The following FARS2 variants were observed in gnomAD, a reference collection of about 807,000 sequenced individuals.
FARS2 encodes the protein phenylalanyl-tRNA synthetase 2, mitochondrial.
A neutral mutation model predicts 46.4 loss-of-function variants in FARS2; 40 were observed. That is an observed-to-expected ratio of 0.86 (90% CI 0.67 to 1.12). FARS2 has a LOEUF of 1.12. Among genes scored for constraint, FARS2 ranks in the 50% most tolerant of loss-of-function variants. The pLI is 0.00. For synonymous variants in FARS2, 234 were observed against 214.9 expected (o/e 1.09, Z -0.78); for missense variants, 513 against 567.9 (o/e 0.90, Z 0.98).
chr6:5,315,444 C>G (rs183478692), intron 1 of FARS2, among the ~76,000 whole-genome samples: 1 of 152,278 alleles, frequency 6.6e-6, no homozygotes, highest in East Asian at 1.9e-4. Context: ...AAATGTAATT[C>G]TAAAGTCATA....
At chr6:5,424,526 G>A (rs1299432734) in intron 3 of FARS2, among the ~76,000 whole-genome samples, 5 of 152,168 alleles carry the variant, frequency 3.3e-5, no homozygotes, top group East Asian at 3.8e-4. Flanking sequence ...TGAAAAAAGC[G>A]TGGTGCCGAA....
chr6:5,771,303 C>T lies in FARS2; in HGVS notation c.1230C>T (p.Thr410=), dbSNP rs142426372. 2.5e-6 allele frequency: 4 copies of T among 1,614,038 alleles called. No individual in the cohort carries two copies. In the African/African-American group the frequency reaches 5.3e-5, roughly 22 times the overall value. ...DKFVHPKTHK[T]SHCYRITYRH... The stretch of plus-strand genomic sequence containing the variant: ...TTCCTCTCTGTAGGACGCACAAGAC[C>T]AGCCACTGCTACCGCATCACGTACC... The change falls in exon 7 of 7, where the codon ACC becomes ACT. Residue 410 remains threonine (T), a synonymous_variant. Transcript: ENST00000274680.
chr6:5,275,480 C>G (rs565112234), intron 1 of FARS2, among the ~76,000 whole-genome samples: 1 of 152,114 alleles, frequency 6.6e-6, no homozygotes, highest in African/African-American at 2.4e-5. Context: ...AATGTGAATT[C>G]TGTGAGGGCT....
At chr6:5,344,118 C>T (rs991115641) in intron 1 of FARS2, among the ~76,000 whole-genome samples, 1 of 152,142 alleles carries the variant, frequency 6.6e-6, no homozygotes, top group Non-Finnish European at 1.5e-5. Context: ...ATGTGGTGAC[C>T]TCAGAGCAAG....
intron 5 of FARS2, among the ~76,000 whole-genome samples, chr6:5,588,545 C>T (rs985891492): frequency 6.6e-6 from 1 of 152,172 alleles, no homozygotes; most frequent in Non-Finnish European, 1.5e-5. Context: ...CCTCTCCCTC[C>T]CCTGCCAGCT....
intron 6 of FARS2, among the ~76,000 whole-genome samples, chr6:5,641,429 T>G (rs1171627796): frequency 1.3e-5 from 2 of 152,326 alleles, no homozygotes; most frequent in East Asian, 3.9e-4. Flanking sequence ...CCCATGTAGC[T>G]GGGATTACAG....
intron 6 of FARS2, among the ~76,000 whole-genome samples, chr6:5,674,892 A>T (rs774709094): frequency 6.1e-4 from 93 of 152,308 alleles, no homozygotes; most frequent in Non-Finnish European, 3.8e-4. Context: ...ATACAAATGA[A>T]ACCATTGAGA....
chr6:5,438,507 CT>C (rs924376798), intron 4 of FARS2, among the ~76,000 whole-genome samples: 14 of 149,846 alleles, frequency 9.3e-5, no homozygotes, highest in South Asian at 2.1e-4. Context: ...TATTTCAGTG[CT>C]TTTTTTTTGT....
chr6:5,561,158 G>A (rs774355369), intron 5 of FARS2, among the ~76,000 whole-genome samples: 2 of 152,030 alleles, frequency 1.3e-5, no homozygotes, highest in African/African-American at 4.8e-5. Context: ...AACAAAAAAA[G>A]TATTGGCATA....
At chr6:5,592,874 G>A (rs969186764) in intron 5 of FARS2, among the ~76,000 whole-genome samples, 1 of 152,192 alleles carries the variant, frequency 6.6e-6, no homozygotes, top group African/African-American at 2.4e-5. Context: ...AGGTACCCAG[G>A]CCTCTTGAAG....
chr6:5,318,387 C>CAAAAAAAAAAAAAAAAAAA (rs753113504), intron 1 of FARS2, among the ~76,000 whole-genome samples: 3 of 77,194 alleles, frequency 3.9e-5, no homozygotes, highest in South Asian at 4.7e-4. Flanking sequence ...AAAAAAAAAC[C>CAAAAAAAAAAAAAAAAAAA]AAAAAAAAAA....
intron 3 of FARS2, among the ~76,000 whole-genome samples, chr6:5,405,147 C>T (rs1006016704): frequency 8.5e-5 from 13 of 152,064 alleles, no homozygotes; most frequent in African/African-American, 2.9e-4. Context: ...GGAGCCAAGT[C>T]TAAACACGAA....
At chr6:5,552,293 G>A (rs566949132) in intron 5 of FARS2, among the ~76,000 whole-genome samples, 12 of 152,274 alleles carry the variant, frequency 7.9e-5, no homozygotes, top group Admixed American at 5.9e-4. Flanking sequence ...GTAATTCTCT[G>A]CAATCTCAGA....
chr6:5,711,006 G>T lies in FARS2; in HGVS notation c.1218-60285G>T, dbSNP rs184371936. Among the ~76,000 whole-genome samples, 436 of 152,356 alleles carry T rather than the reference G, an allele frequency of 2.9e-3. 5 individuals carry two copies. In the South Asian group the frequency reaches 0.036, roughly 13 times the overall value. On this transcript the variant is annotated intron_variant, in intron 6 of 6. Coordinates refer to ENST00000274680, the MANE Select transcript of FARS2 (RefSeq NM_006567.5). ...CAAGTCTACAAGTCTTCTTGGAGAA[G>T]TGATTGATTCTAGGACTGGGCCAGG...
At chr6:5,612,938 A>G (rs1199077219) in intron 5 of FARS2, among the ~76,000 whole-genome samples, 2 of 152,202 alleles carry the variant, frequency 1.3e-5, no homozygotes, top group Non-Finnish European at 2.9e-5. Flanking sequence ...TAAATATAAT[A>G]TATGGTAATG....
At chr6:5,446,664 C>A (rs185991629) in intron 4 of FARS2, among the ~76,000 whole-genome samples, 44 of 152,242 alleles carry the variant, frequency 2.9e-4, no homozygotes, top group Admixed American at 2.7e-3. Flanking sequence ...CTTGAGCTGA[C>A]AGATGAAGTC....
At chr6:5,260,530 C>T, upstream of FARS2, 2 of 1,382,012 alleles carry the variant, frequency 1.4e-6, no homozygotes, top group South Asian at 1.3e-5. Context: ...GTCCTTGCCT[C>T]GCAGCCGCCG....
intron 1 of FARS2, among the ~76,000 whole-genome samples, chr6:5,338,564 C>G (rs1429534085): frequency 2.0e-5 from 3 of 151,980 alleles, no homozygotes; most frequent in Non-Finnish European, 4.4e-5. Flanking sequence ...AAAATGCTCT[C>G]CCTTTTCCCC....
chr6:5,492,070 A>G (rs1241894141), intron 4 of FARS2, among the ~76,000 whole-genome samples: 1 of 152,192 alleles, frequency 6.6e-6, no homozygotes, highest in African/African-American at 2.4e-5. Flanking sequence ...AATAAAAACT[A>G]CTCATTTTCT....
Sources: allele counts gnomAD v4.1 joint callset (sites outside exome capture counted in the v4.1 genomes callset), GRCh38; gene constraint gnomAD v4.1.1; transcripts MANE v1.5; gene names NCBI Gene and HGNC (gene_info 2026-07-23, HGNC 2026-07-21).